Variants in SNX31 observed in about 807,000 individuals in gnomAD.
SNX31 encodes the protein sorting nexin-31.
In SNX31, 58 loss-of-function variants were observed where a neutral mutation model predicts 65.4. The observed-to-expected ratio is 0.89, with a 90% CI of 0.72 to 1.10. The LOEUF (loss-of-function observed/expected upper bound fraction) is 1.10, where lower values mean the gene tolerates loss of function less well. SNX31 is among the 50% of genes least tolerant of loss of function. SNX31 has a pLI of 0.00. For missense variants in SNX31, 523 were observed against 529.7 expected (o/e 0.99, Z 0.12); for synonymous variants, 181 against 190.1 (o/e 0.95, Z 0.39).
intron 5 of SNX31, among the ~76,000 whole-genome samples, chr8:100,615,281 A>C (rs186862209): frequency 9.2e-5 from 14 of 152,332 alleles, no homozygotes; most frequent in Admixed American, 7.2e-4. Flanking sequence ...GAAATGGACA[A>C]AACAGATGGT....
chr8:100,597,153 G>T (rs1195726027), intron 9 of SNX31, among the ~76,000 whole-genome samples: 6 of 151,914 alleles, frequency 3.9e-5, no homozygotes. Flanking sequence ...ATGAGTAAAT[G>T]AAGAATGAAG....
At chr8:100,595,186 A>G (rs947091646) in intron 10 of SNX31, among the ~76,000 whole-genome samples, 2 of 152,250 alleles carry the variant, frequency 1.3e-5, no homozygotes, top group Non-Finnish European at 2.9e-5. Context: ...CTAAGATCAT[A>G]CAATATATTT....
rs566550163 is a variant in SNX31 at position 100,606,690 on chromosome 8, C to A, written c.681+1804G>T. On this transcript the variant is annotated intron_variant, in intron 8 of 13. Transcript: ENST00000311812. The stretch of plus-strand genomic sequence containing the variant: ...TCTCTCCTGAGTTTATAAAAGCTAC[C>A]CAGTGTAGCAGCTTAGAGTCACGCT... Among the ~76,000 whole-genome samples the A allele has an allele frequency of 4.5e-4, 69 of 152,256 alleles. 1 individual carries two copies. Among genetic ancestry groups the A allele is most frequent in the African/African-American group, 1.6e-3 (67 of 41,536 alleles).
rs1457279880 is a variant in SNX31 at position 100,649,564 on chromosome 8, G to C, written c.-50C>G. ...CGCTGGGAACCCGACCTGCGGCGGCGGGCGGTGCGCGGCTCTGAACTCGGC... is the reference window on the plus strand; with the variant it reads ...CGCTGGGAACCCGACCTGCGGCGGCCGGCGGTGCGCGGCTCTGAACTCGGC... On this transcript the variant is annotated 5_prime_UTR_variant, in exon 1 of 14. Coordinates refer to ENST00000311812, the MANE Select transcript of SNX31 (RefSeq NM_152628.4). The C allele has an allele frequency of 2.0e-6, 3 of 1,526,952 alleles. No homozygotes were observed. The highest frequency in any genetic ancestry group is 1.2e-5 in the South Asian group (1 of 83,108). 94.6% of individuals were successfully genotyped at this position (1,526,952 alleles called of 1,614,324 possible). A position where few individuals can be genotyped will look rare whatever the true frequency, so the allele number is the denominator to read the frequency against.
chr8:100,640,154 T>C (rs917880360), intron 2 of SNX31, among the ~76,000 whole-genome samples: 1 of 150,530 alleles, frequency 6.6e-6, no homozygotes, highest in African/African-American at 2.5e-5. Flanking sequence ...GGAGACAGAG[T>C]CTTGCTCTTG....
chr8:100,581,352 T>TAG (rs1563511009), intron 12 of SNX31, among the ~76,000 whole-genome samples: 2 of 147,562 alleles, frequency 1.4e-5, no homozygotes, highest in Admixed American at 6.8e-5. Flanking sequence ...TATATATATA[T>TAG]ATATAATTTA....
At chr8:100,640,164 G>T (rs1242393772) in intron 2 of SNX31, among the ~76,000 whole-genome samples, 8 of 151,996 alleles carry the variant, frequency 5.3e-5, no homozygotes, top group Non-Finnish European at 1.2e-4. Flanking sequence ...TCTTGCTCTT[G>T]TTGCCCAGGC....
intron 10 of SNX31, among the ~76,000 whole-genome samples, chr8:100,590,772 A>G (rs1003588924): frequency 1.3e-5 from 2 of 151,640 alleles, no homozygotes; most frequent in Non-Finnish European, 1.5e-5. Context: ...ACAGAGTAAG[A>G]CTCCATCTCG....
At chr8:100,599,153 TCAAAG>T (rs1815379024) in intron 9 of SNX31, among the ~76,000 whole-genome samples, 1 of 152,254 alleles carries the variant, frequency 6.6e-6, no homozygotes, top group South Asian at 2.1e-4. Context: ...ATTTATGTAC[TCAAAG>T]CAAAGCTTTT....
At position 100,613,527 on chromosome 8, in the gene SNX31, G is replaced by A. The variant is rs976226488; in HGVS notation, c.433-442C>T. Among the ~76,000 whole-genome samples, 2 of 152,172 alleles carry A rather than the reference G, an allele frequency of 1.3e-5. No individual in the cohort carries two copies. The highest frequency in any genetic ancestry group is 6.5e-5 in the Admixed American group (1 of 15,284). On this transcript the variant is annotated intron_variant, in intron 5 of 13. Coordinates refer to ENST00000311812, the MANE Select transcript of SNX31 (RefSeq NM_152628.4). This position sits in a 1 kb window ranked among gnomAD's most constrained non-coding sequence, Gnocchi z 5.2. Reference sequence around the variant, plus strand: ...ATTTGGAAAAGGATCACTCCCCGCCGCTTGGCTGGCATACAAACGTGCATG... The same window carrying A: ...ATTTGGAAAAGGATCACTCCCCGCCACTTGGCTGGCATACAAACGTGCATG...
Position 100,578,453 on chromosome 8 carries a change from A to G in SNX31, c.1171-1378T>C, listed in dbSNP as rs1813226048. ...GTACACACAGGCATTCATAAATGAC[A>G]GAATAAACAAGTGACTTAATTGTTT... On this transcript the variant is annotated intron_variant, in intron 12 of 13. Transcript: ENST00000311812. This position sits in a 1 kb window ranked among gnomAD's most constrained non-coding sequence, Gnocchi z 4.7. Among the ~76,000 whole-genome samples the G allele has an allele frequency of 6.6e-6, 1 of 152,214 alleles. No individual in the cohort carries two copies. The highest frequency in any genetic ancestry group is 1.5e-5 in the Non-Finnish European group (1 of 68,034).
chr8:100,625,327 G>A lies in SNX31; in HGVS notation c.321+5000C>T, dbSNP rs754351002. 4.6e-5 allele frequency among the ~76,000 whole-genome samples: 7 copies of A among 151,692 alleles called. No individual in the cohort carries two copies. The highest frequency in any genetic ancestry group is 7.4e-5 in the Non-Finnish European group (5 of 67,982). ...ATTTCCCTTGTAGAGAAATGACAGC[G>A]GCCCATCATTGCATGTGATGGAGGT... On this transcript the variant is annotated intron_variant, in intron 4 of 13. Transcript: ENST00000311812. This position sits in a 1 kb window ranked among gnomAD's most constrained non-coding sequence, Gnocchi z 4.2.
chr8:100,612,129 C>T lies in SNX31; in HGVS notation c.524-42G>A, dbSNP rs767668254. On this transcript the variant is annotated intron_variant, in intron 6 of 13. Transcript: ENST00000311812. The surrounding 1 kb of genome is among the most constrained non-coding windows in gnomAD (Gnocchi z 4.3). ...GCCGGTCTTACTGGTTGAAACAGCA[C>T]AGACAGCTTATATATAGCAGCTTTC... is the stretch of plus-strand genomic sequence containing the variant. 2 of 1,319,946 alleles carry T rather than the reference C, an allele frequency of 1.5e-6. No homozygotes were observed. Among genetic ancestry groups the T allele is most frequent in the Non-Finnish European group, 2.2e-6 (2 of 914,724 alleles). The allele number at this position is 1,319,946 out of a possible 1,614,324, so 81.8% of individuals were successfully genotyped here.
At chr8:100,577,128 A>T (rs1813112729) in intron 12 of SNX31, 53 bp from the exon 13 acceptor site, 1 of 1,469,516 alleles carries the variant, frequency 6.8e-7, no homozygotes, top group African/African-American at 1.4e-5. Flanking sequence ...GCAAGCACAC[A>T]AACAATCTAT....
At chr8:100,602,931 G>A (rs1815779009) in intron 8 of SNX31, among the ~76,000 whole-genome samples, 1 of 152,186 alleles carries the variant, frequency 6.6e-6, no homozygotes, top group Non-Finnish European at 1.5e-5. Flanking sequence ...AGAATAAGGG[G>A]GGCCTACTCT....
Position 100,649,343 on chromosome 8 carries a change from G to A in SNX31, c.72C>T (p.Tyr24=). 1 of 1,613,958 alleles carries A rather than the reference G, an allele frequency of 6.2e-7. No homozygotes were observed. Among genetic ancestry groups the A allele is most frequent in the Non-Finnish European group, 8.5e-7 (1 of 1,179,850 alleles). The part of the protein sequence containing the change: ...SDALGGRYVL[Y]SVHLDGFLFC... ...AGAGGAACCCGTCCAGGTGCACGGA[G>A]TACAGCTGCAAACACACAGACACCC... Residue 24 remains tyrosine, a synonymous_variant, in exon 2 of 14, where the codon TAC becomes TAT. Transcript: ENST00000311812.
chr8:100,592,814 A>G (rs1814703159), intron 10 of SNX31, among the ~76,000 whole-genome samples: 1 of 152,252 alleles, frequency 6.6e-6, no homozygotes, highest in Admixed American at 6.5e-5. Context: ...TACTGATGAT[A>G]CATGCTACAA....
chr8:100,573,951 A>G lies in SNX31; in HGVS notation c.1237T>C (p.Tyr413His), dbSNP rs1812823892. 1.3e-6 allele frequency: 2 copies of G among 1,566,708 alleles called. No homozygotes were observed. The highest frequency in any genetic ancestry group is 2.3e-5 in the South Asian group (2 of 85,428). Reference protein sequence around the residue: ...YHIQQSQQKDYSSFLSRKSKI... With the variant: ...YHIQQSQQKDHSSFLSRKSKI... ...CTTTTTCTTGATAGAAAACTAGAATAGTCTTTCTGCTGTGAAGTAAACAGA... is the reference window on the plus strand; with the variant it reads ...CTTTTTCTTGATAGAAAACTAGAATGGTCTTTCTGCTGTGAAGTAAACAGA... Residue 413 changes from tyrosine to histidine, a missense_variant, in exon 14 of 14, where the codon TAT becomes CAT. Transcript: ENST00000311812.
rs5893526 is a variant in SNX31, at chr8:100,610,358, A to ATTTTTTTTTT, written c.611+1632_611+1641dup. Among the ~76,000 whole-genome samples the ATTTTTTTTTT allele has an allele frequency of 6.9e-6, 1 of 144,032 alleles. No homozygotes were observed. The allele number at this position is 144,032 out of a possible 152,430, so 94.5% of individuals were successfully genotyped here. The stretch of plus-strand genomic sequence containing the variant: ...ATGAGTGAAAATCTAAGCCCCAAAG[A>ATTTTTTTTTT]TTTTTTTTTTTTTTTTGCTTCCTAT... On this transcript the variant is annotated intron_variant, in intron 7 of 13. Transcript: ENST00000311812. The surrounding 1 kb of genome is among the most constrained non-coding windows in gnomAD (Gnocchi z 4.0).
Sources: allele counts gnomAD v4.1 joint callset (sites outside exome capture counted in the v4.1 genomes callset), GRCh38; gene constraint gnomAD v4.1.1; non-coding constraint Gnocchi (gnomAD v3.1); transcripts MANE v1.5; gene names NCBI Gene and HGNC (gene_info 2026-07-23, HGNC 2026-07-21).